CDC14A: variants seen among roughly 807,000 people sequenced by gnomAD.
CDC14A encodes cell division cycle 14A, also known as dual specificity protein phosphatase CDC14A.
Under a neutral mutation model 74.4 loss-of-function variants are expected in CDC14A, and 53 were observed. The ratio of observed to expected loss-of-function variants is 0.71; its 90% CI spans 0.57 to 0.89. The LOEUF (loss-of-function observed/expected upper bound fraction) is 0.89, where lower values mean the gene tolerates loss of function less well. Among genes scored for constraint, CDC14A ranks in the 40% least tolerant of loss-of-function variants. The pLI is 0.00. For synonymous variants in CDC14A, 247 were observed against 258.4 expected, an observed-to-expected ratio of 0.96 and a Z score of 0.43; for missense variants, 646 against 713.7, an observed-to-expected ratio of 0.91 and a Z score of 1.08.
chr1:100,369,079 A>AT (rs369735078), intron 2 of CDC14A, among the ~76,000 whole-genome samples: 29,325 of 137,632 alleles, frequency 0.21, 3,761 homozygotes, highest in African/African-American at 0.36. Context: ...GTTTTTTGAC[A>AT]TTTTTTTTTT....
intron 10 of CDC14A, among the ~76,000 whole-genome samples, chr1:100,478,872 A>T (rs749270299): frequency 3.3e-5 from 5 of 152,144 alleles, no homozygotes; most frequent in South Asian, 2.1e-4. Flanking sequence ...CAAACATGAA[A>T]ATGCCTAGGA....
At position 100,391,876 on chromosome 1, in the gene CDC14A, C is replaced by T. The variant is rs562746033; in HGVS notation, c.309+1052C>T. 2.0e-5 allele frequency among the ~76,000 whole-genome samples: 3 copies of T among 152,354 alleles called. No individual in the cohort carries two copies. The East Asian group carries it at 5.8e-4, about 29-fold the overall frequency. On this transcript the variant is annotated intron_variant, in intron 4 of 15. Coordinates refer to ENST00000336454, the MANE Select transcript of CDC14A (RefSeq NM_003672.4). ...TGTAGCACTGAGGTGCCCAGCCCTG[C>T]CCACCTTTTGTCCCTTGATGTAGCT... is the stretch of plus-strand genomic sequence containing the variant.
At chr1:100,406,084 G>A (rs1320356965) in intron 4 of CDC14A, among the ~76,000 whole-genome samples, 6 of 152,180 alleles carry the variant, frequency 3.9e-5, no homozygotes, top group Non-Finnish European at 7.4e-5. Flanking sequence ...ACTGGCATGA[G>A]ATGGTATCTC....
intron 15 of CDC14A, chr1:100,505,119 C>T (rs559963696): frequency 1.1e-5 from 2 of 188,502 alleles, no homozygotes; most frequent in East Asian, 1.9e-4. Context: ...CAGTACCGGT[C>T]ACAGGAGGGA....
chr1:100,377,725 A>T, intron 3 of CDC14A, 104 bp downstream of exon 3: 1 of 754,514 alleles, frequency 1.3e-6, no homozygotes, highest in Non-Finnish European at 2.2e-6. Flanking sequence ...GGTGATCTTG[A>T]TCTCTGGAAA....
intron 11 of CDC14A, chr1:100,485,384 G>T (rs1008875877): frequency 8.1e-5 from 70 of 865,736 alleles, no homozygotes; most frequent in Non-Finnish European, 9.3e-5. Context: ...AAAAAGAAAA[G>T]AAAAAAAGGA....
chr1:100,507,555 C>T (rs1306857657), intron 15 of CDC14A, among the ~76,000 whole-genome samples: 2 of 152,034 alleles, frequency 1.3e-5, no homozygotes, highest in Non-Finnish European at 2.9e-5. Context: ...CTGCTTTGGC[C>T]TCCCAAATTG....
intron 15 of CDC14A, among the ~76,000 whole-genome samples, chr1:100,510,357 G>T (rs75285057): frequency 2.0e-5 from 3 of 152,318 alleles, no homozygotes; most frequent in Non-Finnish European, 4.4e-5. Flanking sequence ...CTTGCCCAAG[G>T]TGTCACAGTG....
At position 100,518,261 on chromosome 1, in the gene CDC14A, C is replaced by T. The variant is rs28364923; in HGVS notation, c.1766C>T (p.Ser589Phe). 29 of 1,611,344 alleles carry T rather than the reference C, an allele frequency of 1.8e-5. No homozygotes were observed. Among genetic ancestry groups the T allele is most frequent in the Admixed American group, 5.0e-5 (3 of 59,932 alleles). Reference sequence around the variant, plus strand: ...TCTCTCCCTGCACAGTCCCTTCAGTCTGAATATGTTCATTACTAAGGCCTT... The same window carrying T: ...TCTCTCCCTGCACAGTCCCTTCAGTTTGAATATGTTCATTACTAAGGCCTT... ...FLSRSIPSLQ[S>F]EYVHY is the part of the protein sequence containing the mutation. Residue 589 changes from serine (S) to phenylalanine (F), a missense_variant, in exon 16 of 16, where the codon TCT becomes TTT. Physicochemically the swap from Ser to Phe is radical, Grantham distance 155. Coordinates refer to ENST00000336454, the MANE Select transcript of CDC14A (RefSeq NM_003672.4).
intron 2 of CDC14A, among the ~76,000 whole-genome samples, chr1:100,375,826 C>T (rs1363759459): frequency 6.6e-6 from 1 of 152,166 alleles, no homozygotes; most frequent in Non-Finnish European, 1.5e-5. Context: ...ATAAATCATG[C>T]TGCTATAAAG....
At chr1:100,504,966 C>T (rs778545543) in intron 15 of CDC14A, 3 of 1,501,486 alleles carry the variant, frequency 2.0e-6, no homozygotes, top group Non-Finnish European at 2.7e-6. Flanking sequence ...ATAATTAATA[C>T]TTTATTTTAT....
At chr1:100,422,597 T>G (rs1662497335) in intron 4 of CDC14A, among the ~76,000 whole-genome samples, 1 of 152,226 alleles carries the variant, frequency 6.6e-6, no homozygotes, top group African/African-American at 2.4e-5. Flanking sequence ...TTATTTGAGC[T>G]GCAACTAGAG....
chr1:100,420,082 A>ATATATATATGTGT (rs58124351), intron 4 of CDC14A, among the ~76,000 whole-genome samples: 2 of 105,526 alleles, frequency 1.9e-5, no homozygotes, highest in African/African-American at 6.7e-5. Context: ...ATATATATAT[A>ATATATATATGTGT]GTGTGTATGT....
intron 11 of CDC14A, chr1:100,484,735 TTAAAA>T (rs1048239753): frequency 3.8e-5 from 39 of 1,020,210 alleles, no homozygotes; most frequent in Admixed American, 5.7e-5. Flanking sequence ...TATTTGAAAA[TTAAAA>T]TAAATATCAA....
chr1:100,493,432 G>T (rs956598377), intron 11 of CDC14A, among the ~76,000 whole-genome samples: 8 of 152,324 alleles, frequency 5.3e-5, no homozygotes, highest in African/African-American at 1.9e-4. Flanking sequence ...CCATCCCACT[G>T]GCAAGCCTAG....
intron 10 of CDC14A, among the ~76,000 whole-genome samples, chr1:100,474,778 T>A (rs567035602): frequency 6.6e-6 from 1 of 152,132 alleles, no homozygotes; most frequent in South Asian, 2.1e-4. Context: ...TTTCATTAAT[T>A]TTCTCCTTAT....
At chr1:100,412,299 A>C (rs553182316) in intron 4 of CDC14A, among the ~76,000 whole-genome samples, 1 of 152,166 alleles carries the variant, frequency 6.6e-6, no homozygotes, top group East Asian at 1.9e-4. Context: ...TTTTGTGAGG[A>C]GTACTTAAAG....
At position 100,390,837 on chromosome 1, in the gene CDC14A, T is replaced by C. The variant is rs1327997880; in HGVS notation, c.309+13T>C. On this transcript the variant is annotated intron_variant, in intron 4 of 15. Coordinates refer to ENST00000336454, the MANE Select transcript of CDC14A (RefSeq NM_003672.4). ...AGGTGCCTATGCAGTAAGTACCTTC[T>C]TCATGATTATTTTCTATAATCAGGC... 6.4e-7 allele frequency: 1 copy of C among 1,569,290 alleles called. No individual in the cohort carries two copies. The highest frequency in any genetic ancestry group is 1.7e-5 in the Admixed American group (1 of 59,958).
At chr1:100,424,417 G>C in intron 5 of CDC14A, 116 bp downstream of exon 5, 1 of 707,662 alleles carries the variant, frequency 1.4e-6, no homozygotes, top group Non-Finnish European at 2.6e-6. Context: ...TATATGGAAT[G>C]AAATGAGATG....
Sources: allele counts gnomAD v4.1 joint callset (sites outside exome capture counted in the v4.1 genomes callset), GRCh38; gene constraint gnomAD v4.1.1; transcripts MANE v1.5; gene names NCBI Gene and HGNC (gene_info 2026-07-23, HGNC 2026-07-21).